Variants in GANAB observed in about 807,000 individuals in gnomAD.
The protein encoded by GANAB is glucosidase II alpha subunit.
GANAB carries 35 observed loss-of-function variants against 129.9 expected under a neutral mutation model. That is an observed-to-expected ratio of 0.27 (90% CI 0.21 to 0.36). The LOEUF is 0.36. Ranked by LOEUF, GANAB falls within the 10% of genes least tolerant of loss-of-function variation. The probability of loss-of-function intolerance (pLI) is 1.00; values close to 1 mark genes in which losing one functional copy is unlikely to be tolerated. For synonymous variants in GANAB, 482 were observed against 451.8 expected, an observed-to-expected ratio of 1.07 and a Z score of -0.85; for missense variants, 939 against 1,221.0, an observed-to-expected ratio of 0.77 and a Z score of 3.44.
Position 62,635,003 on chromosome 11 carries a change from G to A in GANAB, c.381-3C>T. The A allele has an allele frequency of 6.2e-7, 1 of 1,605,134 alleles. No individual in the cohort carries two copies. Among genetic ancestry groups the A allele is most frequent in the African/African-American group, 1.3e-5 (1 of 74,746 alleles). On this transcript the variant is annotated splice_region_variant and splice_polypyrimidine_tract_variant and intron_variant, in intron 4 of 23. Transcript: ENST00000356638. ...CATCACGACCAGAGACAGAAAGCCT[G>A]GGAAACATATCAAAAGAAATATAAG...
chr11:62,630,157 G>T (rs374288642), intron 13 of GANAB, 40 bp downstream of exon 13: 9 of 1,482,882 alleles, frequency 6.1e-6, no homozygotes, highest in South Asian at 1.2e-5. Context: ...GAGGCAGGTG[G>T]AACAGACAGA....
At position 62,630,429 on chromosome 11, in the gene GANAB, A is replaced by T; in HGVS notation, c.1463T>A (p.Leu488Gln). ...RVHEELRNLG[L>Q]YVKTRDGSDY... ...AGAGCCATCCCGGGTTTTAACATAC[A>T]GCCCCAGGTTCCGCAGCTCCTCGTG... Residue 488 changes from leucine to glutamine, a missense_variant, in exon 12 of 24, where the codon CTG becomes CAG. Physicochemically the swap from Leu to Gln is moderately radical, Grantham distance 113. Around this residue, in one of 5 missense-constraint regions of GANAB, gnomAD observed 220 missense variants for 295.9 expected, o/e 0.74. Transcript: ENST00000356638. The T allele has an allele frequency of 6.2e-7, 1 of 1,614,186 alleles. No homozygotes were observed. Among genetic ancestry groups the T allele is most frequent in the Non-Finnish European group, 8.5e-7 (1 of 1,180,026 alleles).
At chr11:62,633,351 T>G in intron 6 of GANAB, 80 bp from the exon 7 acceptor site, 2 of 1,531,212 alleles carry the variant, frequency 1.3e-6, no homozygotes, top group Non-Finnish European at 1.8e-6. Context: ...ATCCCATCCC[T>G]GATGGGGAGA....
chr11:62,633,834 T>C (rs1943807590), intron 5 of GANAB: 2 of 467,332 alleles, frequency 4.3e-6, no homozygotes, highest in Non-Finnish European at 7.7e-6. Context: ...CCTGGCTCTG[T>C]TGCCTCTACT....
chr11:62,633,325 C>G (rs570095714), intron 6 of GANAB, 54 bp from the exon 7 acceptor site: 7 of 1,555,882 alleles, frequency 4.5e-6, no homozygotes, highest in South Asian at 1.1e-5. Flanking sequence ...TCTCTTTCCC[C>G]GCTCCCATCA....
intron 17 of GANAB, 25 bp downstream of exon 17, chr11:62,628,744 T>G (rs1353949694): frequency 6.2e-7 from 1 of 1,607,958 alleles, no homozygotes; most frequent in Admixed American, 1.7e-5. Context: ...CAGCCCACTC[T>G]TCACAGCCCA....
rs750799764 is a variant in GANAB at position 62,625,930 on chromosome 11, G to A, written c.2726-6C>T. The A allele has an allele frequency of 5.6e-6, 9 of 1,598,072 alleles. No homozygotes were observed. In the East Asian group the frequency reaches 1.6e-4, roughly 28 times the overall value. On this transcript the variant is annotated splice_polypyrimidine_tract_variant and splice_region_variant and intron_variant, in intron 23 of 23. Transcript: ENST00000356638. ...CAGGCGGCTTTCTGGAGATCCTGGA[G>A]GAGGAATAAAAGAGTGCCATAGTCA...
intron 8 of GANAB, 74 bp downstream of exon 8, chr11:62,632,931 T>C: frequency 9.9e-7 from 1 of 1,013,152 alleles, no homozygotes; most frequent in Non-Finnish European, 1.6e-6. Context: ...GTATCCAATA[T>C]GCACACCCAT....
chr11:62,625,775 T>C lies in GANAB; in HGVS notation c.*40A>G. 8.2e-7 allele frequency: 1 copy of C among 1,219,470 alleles called. No individual in the cohort carries two copies. The highest frequency in any genetic ancestry group is 2.5e-4 in the Middle Eastern group (1 of 3,968). The allele number at this position is 1,219,470 out of a possible 1,614,324, so 75.5% of individuals were successfully genotyped here. Reference sequence around the variant, plus strand: ...AAGAAAGAATATCTCTCAGCACTAATGCTCCCCTTCCCTCCCCCTAACCCA... The same window carrying C: ...AAGAAAGAATATCTCTCAGCACTAACGCTCCCCTTCCCTCCCCCTAACCCA... On this transcript the variant is annotated 3_prime_UTR_variant, in exon 24 of 24. Coordinates refer to ENST00000356638, the MANE Select transcript of GANAB (RefSeq NM_198334.3).
intron 15 of GANAB, 40 bp downstream of exon 15, chr11:62,629,548 T>G: frequency 7.2e-7 from 1 of 1,382,822 alleles, no homozygotes; most frequent in South Asian, 1.3e-5. Flanking sequence ...AGATCTGGCC[T>G]TCACACCCTT....
Position 62,646,439 on chromosome 11 carries a change from G to A in GANAB, c.38+123C>T, listed in dbSNP as rs540857011. On this transcript the variant is annotated intron_variant, in intron 1 of 23. Transcript: ENST00000356638. ...GAGGCGTCTGAGGCCGCCTCCAGAG[G>A]AACAAAGGTTCCTCACGAGGCCGGG... The A allele has an allele frequency of 8.7e-6, 10 of 1,154,474 alleles. No individual in the cohort carries two copies. The South Asian group carries it at 9.0e-5, about 10-fold the overall frequency. 71.5% of individuals were successfully genotyped at this position (1,154,474 alleles called of 1,614,324 possible).
chr11:62,627,691 A>T (rs548668379), intron 17 of GANAB, among the ~76,000 whole-genome samples: 2 of 152,208 alleles, frequency 1.3e-5, no homozygotes, highest in Admixed American at 1.3e-4. Context: ...CCAAGATCAC[A>T]CCATCGCACT....
intron 1 of GANAB, among the ~76,000 whole-genome samples, chr11:62,642,978 T>TAC (rs1263215609): frequency 1.3e-5 from 2 of 152,154 alleles, no homozygotes; most frequent in African/African-American, 2.4e-5. Context: ...CCATGTGCTT[T>TAC]ACCATGATGC....
chr11:62,626,061 T>G lies in GANAB; in HGVS notation c.2725+4A>C. The G allele has an allele frequency of 6.2e-7, 1 of 1,606,310 alleles. No homozygotes were observed. The highest frequency in any genetic ancestry group is 8.5e-7 in the Non-Finnish European group (1 of 1,172,852). ...CCATCCTAGGGGCCAGATTGGTCAC[T>G]CACCTTTTGTCTGGAGTACCACAGC... On this transcript the variant is annotated splice_donor_region_variant and intron_variant, in intron 23 of 23. Transcript: ENST00000356638.
At chr11:62,627,435 G>A in intron 17 of GANAB, 82 bp from the exon 18 acceptor site, 1 of 798,764 alleles carries the variant, frequency 1.3e-6, no homozygotes, top group East Asian at 2.4e-5. Context: ...CTGGCAATAA[G>A]AAAAGAACAG....
At chr11:62,643,445 C>G (rs1000686133) in intron 1 of GANAB, among the ~76,000 whole-genome samples, 1 of 152,038 alleles carries the variant, frequency 6.6e-6, no homozygotes, top group East Asian at 1.9e-4. Flanking sequence ...TGAGGCCAGC[C>G]TGGCCAACAT....
chr11:62,630,160 C>A (rs1365948314), intron 13 of GANAB, 37 bp downstream of exon 13: 1 of 1,500,192 alleles, frequency 6.7e-7, no homozygotes. Context: ...GCAGGTGGAA[C>A]AGACAGACGC....
chr11:62,645,592 G>T (rs1480444003), intron 1 of GANAB, among the ~76,000 whole-genome samples: 1 of 151,648 alleles, frequency 6.6e-6, no homozygotes, highest in Non-Finnish European at 1.5e-5. Context: ...GGCCCTATTT[G>T]CACAGTCTGT....
intron 18 of GANAB, 32 bp downstream of exon 18, chr11:62,627,257 C>G (rs757863937): frequency 2.0e-6 from 3 of 1,480,750 alleles, no homozygotes; most frequent in South Asian, 2.3e-5. Context: ...TGGCCCAAAG[C>G]CAACCCACCA....
Sources: gnomAD v4.1 joint callset for allele counts (sites outside exome capture counted in the v4.1 genomes callset) on GRCh38, gnomAD v4.1.1 for gene constraint, gnomAD v4.1.1 regional missense constraint, MANE v1.5 for transcripts, NCBI Gene and HGNC (gene_info 2026-07-23, HGNC 2026-07-21) for gene names.